Variants in SPATA13 observed in about 807,000 individuals in gnomAD.
SPATA13 encodes spermatogenesis-associated protein 13.
Under a neutral mutation model 104.0 loss-of-function variants are expected in SPATA13, and 50 were observed. The observed-to-expected ratio is 0.48, with a 90% confidence interval of 0.38 to 0.61. The LOEUF is 0.61. Ranked by LOEUF, SPATA13 falls within the 20% of genes least tolerant of loss-of-function variation. SPATA13 has a pLI of 0.00. For synonymous variants in SPATA13, 606 were observed against 667.5 expected (o/e 0.91, Z 1.42); for missense variants, 1,524 against 1,690.6 (o/e 0.90, Z 1.73).
At chr13:24,177,283 G>A (rs1347348854) in intron 1 of SPATA13, among the ~76,000 whole-genome samples, 1 of 152,020 alleles carries the variant, frequency 6.6e-6, no homozygotes, top group East Asian at 1.9e-4. Flanking sequence ...AATAATTTAG[G>A]CATATGTCAG....
intron 1 of SPATA13, among the ~76,000 whole-genome samples, chr13:24,199,778 A>G (rs1246290317): frequency 1.3e-5 from 2 of 152,216 alleles, no homozygotes; most frequent in African/African-American, 2.4e-5. Flanking sequence ...AGGTCACCAC[A>G]TCTTTGGGTT....
chr13:23,983,300 C>T (rs1344018200), intron 1 of SPATA13, among the ~76,000 whole-genome samples: 1 of 152,170 alleles, frequency 6.6e-6, no homozygotes, highest in Non-Finnish European at 1.5e-5. Context: ...TTCACGTGGT[C>T]ATCCTTCTAT....
intron 3 of SPATA13, among the ~76,000 whole-genome samples, chr13:24,128,316 C>G (rs1593347670): frequency 1.3e-5 from 2 of 152,192 alleles, no homozygotes; most frequent in African/African-American, 2.4e-5. Flanking sequence ...CAGAAATGCT[C>G]TGCCAGGTCT....
intron 2 of SPATA13, among the ~76,000 whole-genome samples, chr13:24,015,796 AAGGTGAGCCTCGGCTGGTG>A (rs61136651): frequency 0.59 from 89,704 of 151,552 alleles, 26,664 homozygotes; most frequent in East Asian, 0.72. Context: ...AAACCATGCC[AAGGTGAGCCTCGGCTGGTG>A]ACACGTCATA....
At chr13:24,257,619 T>C (rs1873854087) in intron 4 of SPATA13, among the ~76,000 whole-genome samples, 1 of 151,988 alleles carries the variant, frequency 6.6e-6, no homozygotes, top group Non-Finnish European at 1.5e-5. Context: ...TACTTTTTTT[T>C]TTTTTGGCAA....
rs572023776 is a variant in SPATA13 at position 24,255,300 on chromosome 13, A to G, written c.2164+3438A>G. Among the ~76,000 whole-genome samples, 179 of 152,224 alleles carry G rather than the reference A, an allele frequency of 1.2e-3. 2 individuals are homozygous for G. The highest frequency in any genetic ancestry group is 4.1e-3 in the African/African-American group (172 of 41,530). On this transcript the variant is annotated intron_variant, in intron 4 of 12. Transcript: ENST00000382108. ...GAGGCTCCCTGGCTCTGCTCCATCA[A>G]GAGGCCTGAGTCTGGGAGTTGAGTG...
At chr13:24,115,362 G>A (rs895017307) in intron 3 of SPATA13, among the ~76,000 whole-genome samples, 3 of 152,254 alleles carry the variant, frequency 2.0e-5, no homozygotes, top group African/African-American at 7.2e-5. Flanking sequence ...TCCATGGCTT[G>A]TTAGGAACCT....
chr13:24,167,000 A>G (rs980911032), intron 1 of SPATA13, among the ~76,000 whole-genome samples: 3 of 152,314 alleles, frequency 2.0e-5, no homozygotes, highest in African/African-American at 4.8e-5. Context: ...CCTTTGCTGC[A>G]TGTTTGAATT....
chr13:24,026,555 C>T (rs749977180), intron 3 of SPATA13, among the ~76,000 whole-genome samples: 1 of 152,070 alleles, frequency 6.6e-6, no homozygotes. Context: ...TGGATACAAA[C>T]TGCTGTTTAT....
At chr13:24,244,391 T>G (rs1220517695) in intron 2 of SPATA13, among the ~76,000 whole-genome samples, 1 of 152,270 alleles carries the variant, frequency 6.6e-6, no homozygotes, top group Non-Finnish European at 1.5e-5. Flanking sequence ...AGTTATTTTG[T>G]CTGAATCTTT....
rs139258444 is a variant in SPATA13, at chr13:24,297,502, G to A, written c.3350G>A (p.Arg1117His). Residue 1117 changes from arginine to histidine, a missense_variant, in exon 11 of 13, where the codon CGC (arginine) becomes CAC (histidine). Around this residue, in one of 2 missense-constraint regions of SPATA13, gnomAD observed 435 missense variants for 554.8 expected, o/e 0.78. Transcript: ENST00000382108. The stretch of plus-strand genomic sequence containing the variant: ...GTGTCCTGCAAGAAGGACCTGCTGC[G>A]CAGGGACATGCTGTACTACAAGGGC... Reference protein sequence around the residue: ...QLVSCKKDLLRRDMLYYKGRL... With the variant: ...QLVSCKKDLLHRDMLYYKGRL... The A allele has an allele frequency of 3.7e-4, 599 of 1,614,106 alleles. No homozygotes were observed. Among genetic ancestry groups the A allele is most frequent in the Middle Eastern group, 4.9e-4 (3 of 6,084 alleles).
intron 3 of SPATA13, among the ~76,000 whole-genome samples, chr13:24,145,296 T>G (rs1239606134): frequency 6.6e-6 from 1 of 152,212 alleles, no homozygotes; most frequent in Non-Finnish European, 1.5e-5. Flanking sequence ...ATTTTTCTAT[T>G]GAAGGTATTA....
intron 1 of SPATA13, among the ~76,000 whole-genome samples, chr13:24,194,620 TC>T (rs1869947578): frequency 6.6e-6 from 1 of 152,156 alleles, no homozygotes; most frequent in Non-Finnish European, 1.5e-5. Flanking sequence ...GCCCGGTAGG[TC>T]CTCATTGATT....
intron 3 of SPATA13, chr13:24,034,438 A>G (rs751440324): frequency 1.1e-4 from 16 of 152,212 alleles, no homozygotes; most frequent in Non-Finnish European, 2.2e-4. Context: ...GGTCTGTAGC[A>G]CTTGTTGATC....
At chr13:24,133,235 C>T (rs1277015782) in intron 3 of SPATA13, among the ~76,000 whole-genome samples, 1 of 152,144 alleles carries the variant, frequency 6.6e-6, no homozygotes, top group Admixed American at 6.5e-5. Context: ...AGAACTTCCT[C>T]TCTGCACAGG....
intron 3 of SPATA13, among the ~76,000 whole-genome samples, chr13:24,140,695 C>T (rs1030232153): frequency 3.9e-5 from 6 of 152,214 alleles, no homozygotes; most frequent in Middle Eastern, 3.4e-3. Context: ...GAAACTGCAG[C>T]GTATTTAAGT....
chr13:24,107,721 G>A (rs9580873), intron 3 of SPATA13, among the ~76,000 whole-genome samples: 28,478 of 152,110 alleles, frequency 0.19, 4,023 homozygotes, highest in African/African-American at 0.4. Context: ...TGGTAAGAAA[G>A]AAATGGGAGT....
At chr13:24,278,976 C>T (rs1419316180) in intron 4 of SPATA13, among the ~76,000 whole-genome samples, 3 of 47,960 alleles carry the variant, frequency 6.3e-5, no homozygotes, top group Non-Finnish European at 1.7e-4. Context: ...CTCCTTCCCT[C>T]CCTCCCTCCC....
Position 24,161,599 on chromosome 13 carries a change from A to T in SPATA13, c.-112+667A>T, listed in dbSNP as rs892297722. ...GCAGGTAGAAGCCCGCGCTGCTGCC[A>T]GCGTCAGGGGGAGCTCGGGTGACTT... On this transcript the variant is annotated intron_variant, in intron 1 of 12. Transcript: ENST00000382108. This position sits in a 1 kb window ranked among gnomAD's most constrained non-coding sequence, Gnocchi z 4.5. Among the ~76,000 whole-genome samples, 16 of 152,088 alleles carry T rather than the reference A, an allele frequency of 1.1e-4. No homozygotes were observed. The highest frequency in any genetic ancestry group is 3.9e-4 in the African/African-American group (16 of 41,420).
Sources: allele counts gnomAD v4.1 joint callset (sites outside exome capture counted in the v4.1 genomes callset), GRCh38; gene constraint gnomAD v4.1.1; regional missense constraint gnomAD v4.1.1; non-coding constraint Gnocchi (gnomAD v3.1); transcripts MANE v1.5; gene names NCBI Gene and HGNC (gene_info 2026-07-23, HGNC 2026-07-21).